The following LIN7A variants were observed in gnomAD, a reference collection of about 807,000 sequenced individuals.
LIN7A encodes lin-7 cell polarity scaffold A, also known as protein lin-7 homolog A.
A neutral mutation model predicts 29.8 loss-of-function variants in LIN7A; 25 were observed. The ratio of observed to expected loss-of-function variants is 0.84; its 90% CI spans 0.61 to 1.17. LIN7A has a LOEUF of 1.17. Among genes scored for constraint, LIN7A ranks in the 50% most tolerant of loss-of-function variants. The pLI is 0.00. For missense variants in LIN7A, 239 were observed against 287.0 expected (o/e 0.83, Z 1.21); for synonymous variants, 118 against 107.5 (o/e 1.10, Z -0.60).
At chr12:80,866,591 G>GTGAT (rs1874146575) in intron 2 of LIN7A, among the ~76,000 whole-genome samples, 1 of 152,136 alleles carries the variant, frequency 6.6e-6, no homozygotes. Context: ...TTAAAACATA[G>GTGAT]TGATGTCTGG....
chr12:80,898,401 T>G lies in LIN7A; in HGVS notation c.83-9032A>C, dbSNP rs180707871. On this transcript the variant is annotated intron_variant, in intron 1 of 5. Transcript: ENST00000552864. ...TATAGTATAGTTTGAAGTTAGGAAC[T>G]GTGATGCCTCCAGCTCTGTGGCTTT... Among the ~76,000 whole-genome samples, 288 of 152,310 alleles carry G rather than the reference T, an allele frequency of 1.9e-3. 1 individual carries two copies. Among genetic ancestry groups the G allele is most frequent in the Non-Finnish European group, 3.2e-3 (216 of 68,030 alleles).
intron 4 of LIN7A, among the ~76,000 whole-genome samples, chr12:80,845,100 G>A (rs1159376789): frequency 6.6e-6 from 1 of 151,980 alleles, no homozygotes; most frequent in African/African-American, 2.4e-5. Context: ...AACCGGGCTT[G>A]GTGGCGGGCG....
chr12:80,934,576 A>C (rs545364613), intron 1 of LIN7A, among the ~76,000 whole-genome samples: 27 of 152,312 alleles, frequency 1.8e-4, no homozygotes, highest in African/African-American at 6.5e-4. Flanking sequence ...GAAAGCAGTA[A>C]ATCTTAATTT....
intron 2 of LIN7A, among the ~76,000 whole-genome samples, chr12:80,883,960 C>G (rs1179583633): frequency 1.3e-5 from 2 of 152,124 alleles, no homozygotes; most frequent in African/African-American, 4.8e-5. Context: ...AGCACTTGAA[C>G]AGTAGACGGA....
chr12:80,807,070 T>TTTTGTG (rs1555221344), intron 5 of LIN7A, among the ~76,000 whole-genome samples: 2 of 111,096 alleles, frequency 1.8e-5, no homozygotes, highest in Non-Finnish European at 1.8e-5. Context: ...GGAGTTTTTT[T>TTTTGTG]TTTTTTTTTT....
chr12:80,847,298 G>C lies in LIN7A; in HGVS notation c.273+953C>G, dbSNP rs191927232. On this transcript the variant is annotated intron_variant, in intron 3 of 5. Coordinates refer to ENST00000552864, the MANE Select transcript of LIN7A (RefSeq NM_004664.4). Reference sequence around the variant, plus strand: ...CCACGTAGGGATCATTTTTCTGTGTGTGTTCCACTTCAGTACAAGCAAAGC... The same window carrying C: ...CCACGTAGGGATCATTTTTCTGTGTCTGTTCCACTTCAGTACAAGCAAAGC... 1.1e-3 allele frequency among the ~76,000 whole-genome samples: 162 copies of C among 152,252 alleles called. 2 individuals carry two copies. The highest frequency in any genetic ancestry group is 0.01 in the Admixed American group (154 of 15,290).
rs1232028126 is a variant in LIN7A, at chr12:80,803,558, T to A, written c.*1-5832A>T. ...TGTAATAGACCCTGAGGTCAGGTAGTGTGAGGCCTTCAGTCTGGTTCTTTA... is the reference window on the plus strand; with the variant it reads ...TGTAATAGACCCTGAGGTCAGGTAGAGTGAGGCCTTCAGTCTGGTTCTTTA... On this transcript the variant is annotated intron_variant, in intron 5 of 5. Coordinates refer to ENST00000552864, the MANE Select transcript of LIN7A (RefSeq NM_004664.4). Among the ~76,000 whole-genome samples, 4 of 152,208 alleles carry A rather than the reference T, an allele frequency of 2.6e-5. No homozygotes were observed. In the East Asian group the frequency reaches 7.7e-4, roughly 29 times the overall value.
chr12:80,817,152 TTATTTCTGGTATGCTCG>T (rs1321335705), intron 4 of LIN7A, among the ~76,000 whole-genome samples: 1 of 152,234 alleles, frequency 6.6e-6, no homozygotes, highest in East Asian at 1.9e-4. Context: ...AAATGGCAGC[TTATTTCTGGTATGCTCG>T]TATTTCTGGT....
intron 1 of LIN7A, among the ~76,000 whole-genome samples, chr12:80,930,611 C>T (rs1236793512): frequency 5.3e-5 from 8 of 152,300 alleles, no homozygotes; most frequent in African/African-American, 1.9e-4. Context: ...CAGTTGTATT[C>T]TGACATTAGC....
rs944915901 is a variant in LIN7A at position 80,795,523 on chromosome 12, A to G, written c.*2204T>C. 1 of 152,154 alleles carries G rather than the reference A, an allele frequency of 6.6e-6. No homozygotes were observed. The highest frequency in any genetic ancestry group is 2.4e-5 in the African/African-American group (1 of 41,452). 9.4% of individuals were successfully genotyped at this position (152,154 alleles called of 1,614,324 possible). On this transcript the variant is annotated 3_prime_UTR_variant, in exon 6 of 6. Transcript: ENST00000552864. ...TGATAGTTGTTTCTGTAACACTGTG[A>G]CAATATTTGTATTGATGTGAAACCA...
intron 2 of LIN7A, among the ~76,000 whole-genome samples, chr12:80,870,882 T>C (rs1402779062): frequency 6.6e-6 from 1 of 152,238 alleles, no homozygotes. Context: ...TTGGGCCACA[T>C]TTACCTTTGT....
chr12:80,879,992 A>G (rs1249342039), intron 2 of LIN7A, among the ~76,000 whole-genome samples: 8 of 152,194 alleles, frequency 5.3e-5, no homozygotes, highest in Non-Finnish European at 4.4e-5. Context: ...AAGATGTTTG[A>G]ATGCTTTCAA....
chr12:80,832,443 C>T, intron 4 of LIN7A: 1 of 436,786 alleles, frequency 2.3e-6, no homozygotes, highest in South Asian at 1.7e-5. Flanking sequence ...TTGCCTTTGT[C>T]ATCCATGGTA....
At chr12:80,849,292 G>A (rs1405999766) in intron 2 of LIN7A, among the ~76,000 whole-genome samples, 1 of 152,082 alleles carries the variant, frequency 6.6e-6, no homozygotes, top group Non-Finnish European at 1.5e-5. Flanking sequence ...GCTGCTAAAC[G>A]TACTTCCAGA....
intron 4 of LIN7A, among the ~76,000 whole-genome samples, chr12:80,817,391 T>A (rs1176054579): frequency 6.6e-6 from 1 of 152,094 alleles, no homozygotes; most frequent in South Asian, 2.1e-4. Context: ...ACTGGCTAAG[T>A]TTTTAGGCAG....
chr12:80,848,735 C>T (rs781665244), intron 2 of LIN7A, among the ~76,000 whole-genome samples: 5 of 151,736 alleles, frequency 3.3e-5, no homozygotes, highest in African/African-American at 4.8e-5. Flanking sequence ...AAATAGTATA[C>T]GTAAAAATTT....
intron 4 of LIN7A, among the ~76,000 whole-genome samples, chr12:80,829,489 G>A (rs1011522848): frequency 6.6e-6 from 1 of 152,006 alleles, no homozygotes; most frequent in South Asian, 2.1e-4. Flanking sequence ...CAATATATAG[G>A]CTATAAATCC....
At chr12:80,895,514 A>G (rs1308621261) in intron 1 of LIN7A, among the ~76,000 whole-genome samples, 2 of 152,214 alleles carry the variant, frequency 1.3e-5, no homozygotes, top group Non-Finnish European at 2.9e-5. Context: ...TGTGTTGAGC[A>G]CTCAAGCTAA....
chr12:80,807,077 T>TTTTTTTTTTTGTTTG lies in LIN7A; in HGVS notation c.*4387_*4388insCAAACAAAAAAAAAA, dbSNP rs869213361. 2.2e-4 allele frequency among the ~76,000 whole-genome samples: 25 copies of TTTTTTTTTTTGTTTG among 115,558 alleles called. 2 individuals carry two copies. In the East Asian group the frequency reaches 4.5e-3, roughly 21 times the overall value. 75.8% of individuals were successfully genotyped at this position (115,558 alleles called of 152,430 possible). A position where few individuals can be genotyped will look rare whatever the true frequency, so the allele number is the denominator to read the frequency against. On this transcript the variant is annotated intron_variant, in intron 5 of 5. Transcript: ENST00000552864. ...ATGAAGATGGAGTTTTTTTTTTTTTTTTTTTTTTTTTTTTGACGGAGTCTC... is the reference window on the plus strand; with the variant it reads ...ATGAAGATGGAGTTTTTTTTTTTTTTTTTTTTTTTTGTTTGTTTTTTTTTTTTTTGACGGAGTCTC...
Sources: allele counts gnomAD v4.1 joint callset (sites outside exome capture counted in the v4.1 genomes callset), GRCh38; gene constraint gnomAD v4.1.1; transcripts MANE v1.5; gene names NCBI Gene and HGNC (gene_info 2026-07-23, HGNC 2026-07-21).